KAT6A: variants seen among roughly 807,000 people sequenced by gnomAD.
KAT6A encodes the protein lysine acetyltransferase 6A, also known as histone acetyltransferase KAT6A.
A neutral mutation model predicts 198.4 loss-of-function variants in KAT6A; 9 were observed. The ratio of observed to expected loss-of-function variants is 0.05; its 90% CI spans 0.03 to 0.08. The LOEUF is 0.08. Ranked by LOEUF, KAT6A falls within the 10% of genes least tolerant of loss-of-function variation. The pLI is 1.00. For synonymous variants in KAT6A, 890 were observed against 883.0 expected (o/e 1.01, Z -0.14); for missense variants, 2,077 against 2,509.9 (o/e 0.83, Z 3.69).
In KAT6A at chr8:41,947,923, A is replaced by C; in HGVS notation, c.1741-11T>G. On this transcript the variant is annotated splice_polypyrimidine_tract_variant and intron_variant, in intron 10 of 16. Transcript: ENST00000265713. Reference sequence around the variant, plus strand: ...CACATTCCCATCAACCTAGAGAAATAAACAGAACAAAACAGTCAGTAGAGG... The same window carrying C: ...CACATTCCCATCAACCTAGAGAAATCAACAGAACAAAACAGTCAGTAGAGG... 1 of 1,574,868 alleles carries C rather than the reference A, an allele frequency of 6.3e-7. No individual in the cohort carries two copies. The highest frequency in any genetic ancestry group is 8.6e-7 in the Non-Finnish European group (1 of 1,165,914).
Position 41,933,186 on chromosome 8 carries a change from CTGCTGCTGGGGT to C in KAT6A, c.5022_5033del (p.Gln1681_Gln1684del), listed in dbSNP as rs1332127484. On this transcript the variant is annotated inframe_deletion, in exon 17 of 17. Transcript: ENST00000265713. The surrounding 1 kb of genome is among the most constrained non-coding windows in gnomAD (Gnocchi z 6.2). ...GCTGAGGCTGCGGCTGCTGTTGCGG[CTGCTGCTGGGGT>C]GGTGGAGGCTGTGGTGCTGGTTGTG... The C allele has an allele frequency of 1.0e-5, 16 of 1,589,236 alleles. No homozygotes were observed. Among genetic ancestry groups the C allele is most frequent in the Admixed American group, 1.7e-5 (1 of 57,236 alleles).
rs555706857 is a variant in KAT6A, at chr8:41,934,355, CCTCCTCTGACTGCCTCTG to C, written c.3847_3864del (p.Gln1283_Glu1288del). On this transcript the variant is annotated inframe_deletion, in exon 17 of 17. Transcript: ENST00000265713. ...TCTGGCTCCTCTAATTCCTGCTGCT[CCTCCTCTGACTGCCTCTG>C]CTCCTCTGAGACACGGGGCTTCTCT... 49 of 1,613,476 alleles carry C rather than the reference CCTCCTCTGACTGCCTCTG, an allele frequency of 3.0e-5. No individual in the cohort carries two copies. Among genetic ancestry groups the C allele is most frequent in the Non-Finnish European group, 4.1e-5 (48 of 1,179,658 alleles).
chr8:42,016,190 G>C (rs186756104), intron 2 of KAT6A, among the ~76,000 whole-genome samples: 1 of 152,082 alleles, frequency 6.6e-6, no homozygotes, highest in South Asian at 2.1e-4. Flanking sequence ...CAGTTCCTTC[G>C]CTATGTTTAT....
chr8:42,050,930 G>A lies in KAT6A; in HGVS notation c.-326+971C>T, dbSNP rs377404456. ...CGAGCGGCTAGAGCGAGCGCAACTCGCTTCCGACAGTCCTTCCCGTCCCCA... is the reference window on the plus strand; with the variant it reads ...CGAGCGGCTAGAGCGAGCGCAACTCACTTCCGACAGTCCTTCCCGTCCCCA... On this transcript the variant is annotated intron_variant, in intron 1 of 16. Transcript: ENST00000265713. 2.0e-5 allele frequency among the ~76,000 whole-genome samples: 3 copies of A among 152,234 alleles called. No individual in the cohort carries two copies. The East Asian group carries it at 5.8e-4, about 29-fold the overall frequency.
intron 2 of KAT6A, among the ~76,000 whole-genome samples, chr8:42,035,758 C>T (rs577246611): frequency 2.0e-5 from 3 of 152,138 alleles, no homozygotes; most frequent in East Asian, 1.9e-4. Flanking sequence ...TTGCAGCAGA[C>T]GTGGAATGAA....
In KAT6A at chr8:41,977,018, A is replaced by G. The variant is rs765675968; in HGVS notation, c.1353T>C (p.Asp451=). 2.2e-5 allele frequency: 36 copies of G among 1,606,006 alleles called. No homozygotes were observed. In the African/African-American group the frequency reaches 3.9e-4, roughly 17 times the overall value. ...KRGNRKSSTS[D]WPTDNQDGWD... ...GTTCTAAACTCTTACCTGTGGGCCA[A>G]TCTGAAGTGCTTGATTTCCTGTTGC... The change falls in exon 7 of 17, where the codon GAT becomes GAC. Residue 451 remains aspartate, a synonymous_variant. Coordinates refer to ENST00000265713, the MANE Select transcript of KAT6A (RefSeq NM_006766.5).
rs191611938 is a variant in KAT6A at position 41,970,481 on chromosome 8, T to C, written c.1482+4223A>G. 1.2e-3 allele frequency among the ~76,000 whole-genome samples: 189 copies of C among 152,280 alleles called. 2 individuals are homozygous for C. The highest frequency in any genetic ancestry group is 4.3e-3 in the African/African-American group (178 of 41,526). Reference sequence around the variant, plus strand: ...TGCACCTTTCTATTATTTCAACTCCTGCCCCATTTCTCCCAGAAGAAAATT... The same window carrying C: ...TGCACCTTTCTATTATTTCAACTCCCGCCCCATTTCTCCCAGAAGAAAATT... On this transcript the variant is annotated intron_variant, in intron 8 of 16. Coordinates refer to ENST00000265713, the MANE Select transcript of KAT6A (RefSeq NM_006766.5).
rs868079225 is a variant in KAT6A at position 41,933,265 on chromosome 8, G to T, written c.4955C>A (p.Pro1652Gln). The T allele has an allele frequency of 6.4e-7, 1 of 1,555,596 alleles. No individual in the cohort carries two copies. The highest frequency in any genetic ancestry group is 8.7e-7 in the Non-Finnish European group (1 of 1,153,562). ...RPPSNQQQQP[P>Q]PPPPQQPQPP... is the part of the protein sequence containing the mutation. Reference sequence around the variant, plus strand: ...CTGTGGCTGCTGTGGAGGCGGTGGTGGCGGCTGCTGCTGCTGGTTACTGGG... The same window carrying T: ...CTGTGGCTGCTGTGGAGGCGGTGGTTGCGGCTGCTGCTGCTGGTTACTGGG... Residue 1652 changes from proline to glutamine, a missense_variant, in exon 17 of 17, where the codon CCA becomes CAA. Physicochemically the swap from Pro to Gln is moderately conservative, Grantham distance 76 (BLOSUM62 -1). Coordinates refer to ENST00000265713, the MANE Select transcript of KAT6A (RefSeq NM_006766.5). This position sits in a 1 kb window ranked among gnomAD's most constrained non-coding sequence, Gnocchi z 6.2.
chr8:41,994,663 CAT>C (rs893942119), intron 2 of KAT6A, among the ~76,000 whole-genome samples: 23 of 152,202 alleles, frequency 1.5e-4, no homozygotes, highest in African/African-American at 5.1e-4. Flanking sequence ...CACTAATTAA[CAT>C]GTGTGTATGT....
chr8:42,019,845 T>C (rs569396410), intron 2 of KAT6A, among the ~76,000 whole-genome samples: 4 of 152,200 alleles, frequency 2.6e-5, no homozygotes, highest in Non-Finnish European at 5.9e-5. Context: ...AAAATGGGCA[T>C]TTGTGCAGCT....
At chr8:41,974,968 C>G in intron 7 of KAT6A, 146 bp from the exon 8 acceptor site, 1 of 455,502 alleles carries the variant, frequency 2.2e-6, no homozygotes, top group Non-Finnish European at 3.9e-6. Flanking sequence ...GAATGCTACT[C>G]AATAAATAAT....
intron 15 of KAT6A, 93 bp downstream of exon 15, chr8:41,940,749 A>G (rs1185364299): frequency 2.7e-6 from 4 of 1,458,940 alleles, no homozygotes; most frequent in Non-Finnish European, 3.7e-6. Context: ...AGGAATTTCT[A>G]ACTTATACTC....
At chr8:42,009,915 C>CAAAAAAAAA in intron 2 of KAT6A, among the ~76,000 whole-genome samples, 1 of 110,292 alleles carries the variant, frequency 9.1e-6, no homozygotes, top group Non-Finnish European at 1.8e-5. Context: ...AAAAAAAAAA[C>CAAAAAAAAA]AAAAAAAAAC....
chr8:41,935,681 C>T (rs1266218520), intron 16 of KAT6A, among the ~76,000 whole-genome samples: 1 of 151,758 alleles, frequency 6.6e-6, no homozygotes. Context: ...ATAAGAATAC[C>T]AAGACAAGAA....
chr8:42,049,018 T>A lies in KAT6A; in HGVS notation c.-41A>T. ...ATATCCATAGAGTCGTTATCCCTTA[T>A]CCTGATGCTGAGTAAGTTTTACACC... On this transcript the variant is annotated 5_prime_UTR_variant, in exon 2 of 17. Coordinates refer to ENST00000265713, the MANE Select transcript of KAT6A (RefSeq NM_006766.5). The A allele has an allele frequency of 1.3e-6, 2 of 1,568,168 alleles. No homozygotes were observed. Among genetic ancestry groups the A allele is most frequent in the Non-Finnish European group, 1.7e-6 (2 of 1,161,534 alleles).
chr8:41,987,870 A>G (rs1287862788), intron 2 of KAT6A, among the ~76,000 whole-genome samples: 1 of 152,352 alleles, frequency 6.6e-6, no homozygotes, highest in East Asian at 1.9e-4. Flanking sequence ...TGAAAAATTC[A>G]ACTGGAATAA....
intron 3 of KAT6A, among the ~76,000 whole-genome samples, chr8:41,983,202 T>C (rs1444763556): frequency 1.3e-5 from 2 of 152,220 alleles, no homozygotes; most frequent in Admixed American, 1.3e-4. Context: ...CTCTAAAAGT[T>C]GGTCGTGCTT....
At chr8:41,983,679 C>T (rs1474067421) in intron 3 of KAT6A, among the ~76,000 whole-genome samples, 3 of 152,174 alleles carry the variant, frequency 2.0e-5, no homozygotes, top group African/African-American at 7.2e-5. Flanking sequence ...ATGTATTAAA[C>T]ATTTTTATAG....
intron 2 of KAT6A, among the ~76,000 whole-genome samples, chr8:42,000,859 A>C (rs2150902453): frequency 6.6e-6 from 1 of 152,336 alleles, no homozygotes; most frequent in Middle Eastern, 3.4e-3. Flanking sequence ...AATCACTGTC[A>C]AACGGTGCAC....
Sources: allele counts gnomAD v4.1 joint callset (sites outside exome capture counted in the v4.1 genomes callset), GRCh38; gene constraint gnomAD v4.1.1; non-coding constraint Gnocchi (gnomAD v3.1); transcripts MANE v1.5; gene names NCBI Gene and HGNC (gene_info 2026-07-23, HGNC 2026-07-21).